Variants in CTTNBP2 observed in about 807,000 individuals in gnomAD.
CTTNBP2 encodes cortactin-binding protein 2.
Under a neutral mutation model 156.9 loss-of-function variants are expected in CTTNBP2, and 108 were observed. The ratio of observed to expected loss-of-function variants is 0.69; its 90% CI spans 0.59 to 0.81. CTTNBP2 has a LOEUF of 0.81. Among genes scored for constraint, CTTNBP2 ranks in the 30% least tolerant of loss-of-function variants. CTTNBP2 has a pLI of 0.00. For missense variants in CTTNBP2, 1,924 were observed against 2,035.4 expected, an observed-to-expected ratio of 0.95 and a Z score of 1.05; for synonymous variants, 767 against 751.8, an observed-to-expected ratio of 1.02 and a Z score of -0.33.
intron 3 of CTTNBP2, among the ~76,000 whole-genome samples, chr7:117,804,405 T>C (rs570969405): frequency 6.9e-4 from 105 of 152,298 alleles, no homozygotes; most frequent in Non-Finnish European, 7.6e-4. Context: ...ACAGACATGG[T>C]ATTTCTACCA....
intron 12 of CTTNBP2, among the ~76,000 whole-genome samples, chr7:117,747,332 A>G (rs973617298): frequency 1.3e-5 from 2 of 152,142 alleles, no homozygotes; most frequent in African/African-American, 4.8e-5. Flanking sequence ...CCTTTATGGT[A>G]GCTGGGATGG....
intron 2 of CTTNBP2, among the ~76,000 whole-genome samples, chr7:117,856,352 A>G (rs1419416215): frequency 1.3e-5 from 2 of 152,228 alleles, no homozygotes; most frequent in Non-Finnish European, 2.9e-5. Context: ...GAGTAGTAAA[A>G]CAAAAATAAC....
intron 12 of CTTNBP2, among the ~76,000 whole-genome samples, chr7:117,747,252 G>A (rs190694112): frequency 1.3e-5 from 2 of 152,288 alleles, no homozygotes; most frequent in East Asian, 1.9e-4. Context: ...ATGTGTGTGT[G>A]TATCTCTGTG....
chr7:117,809,936 G>A lies in CTTNBP2; in HGVS notation c.414+829C>T, dbSNP rs114830335. 7.4e-3 allele frequency among the ~76,000 whole-genome samples: 1,121 copies of A among 152,288 alleles called. 13 individuals are homozygous for A. Among genetic ancestry groups the A allele is most frequent in the African/African-American group, 0.025 (1,054 of 41,568 alleles). On this transcript the variant is annotated intron_variant, in intron 3 of 22. Coordinates refer to ENST00000160373, the MANE Select transcript of CTTNBP2 (RefSeq NM_033427.3). ...TAATTTTAATCAAACCACACAGCAT[G>A]AGCTTCTAGCTTTCTCACTCTCTTT...
At chr7:117,717,193 AAG>A (rs1794451123) in intron 22 of CTTNBP2, among the ~76,000 whole-genome samples, 1 of 152,212 alleles carries the variant, frequency 6.6e-6, no homozygotes, top group African/African-American at 2.4e-5. Flanking sequence ...GTAGTCATGG[AAG>A]CTATTTCAAA....
At chr7:117,728,727 C>T (rs1562956813) in intron 16 of CTTNBP2, among the ~76,000 whole-genome samples, 1 of 152,120 alleles carries the variant, frequency 6.6e-6, no homozygotes, top group African/African-American at 2.4e-5. Flanking sequence ...CCTTTACATA[C>T]TTATTTTTAT....
intron 12 of CTTNBP2, among the ~76,000 whole-genome samples, chr7:117,753,475 C>T (rs545358627): frequency 1.8e-4 from 27 of 152,160 alleles, no homozygotes; most frequent in Middle Eastern, 6.8e-3. Context: ...TGCAAGACTA[C>T]GGATGATAGC....
chr7:117,777,661 C>T lies in CTTNBP2; in HGVS notation c.2628G>A (p.Glu876=). Residue 876 remains glutamate, a synonymous_variant, in exon 8 of 23, where the codon GAG becomes GAA. Coordinates refer to ENST00000160373, the MANE Select transcript of CTTNBP2 (RefSeq NM_033427.3). Reference sequence around the variant, plus strand: ...CAAAGACACTTGACTCGGACTCCTCCTCATTGAAAGAATTTCCATGAGCTG... The same window carrying T: ...CAAAGACACTTGACTCGGACTCCTCTTCATTGAAAGAATTTCCATGAGCTG... The part of the protein sequence containing the change: ...RIPAHGNSFN[E]EESESSVFDL... The T allele has an allele frequency of 3.1e-6, 5 of 1,614,152 alleles. No individual in the cohort carries two copies. Among genetic ancestry groups the T allele is most frequent in the Non-Finnish European group, 4.2e-6 (5 of 1,180,012 alleles).
At chr7:117,716,994 TACTCCCAAGG>T (rs1794425833) in intron 22 of CTTNBP2, among the ~76,000 whole-genome samples, 1 of 152,308 alleles carries the variant, frequency 6.6e-6, no homozygotes, top group East Asian at 1.9e-4. Flanking sequence ...CGTTCTCATC[TACTCCCAAGG>T]TGGCTTACAA....
At chr7:117,843,952 C>T (rs367736428) in intron 2 of CTTNBP2, among the ~76,000 whole-genome samples, 2 of 152,110 alleles carry the variant, frequency 1.3e-5, no homozygotes, top group East Asian at 1.9e-4. Context: ...GAAGACTATC[C>T]CATATGGGCT....
chr7:117,746,180 T>A, intron 12 of CTTNBP2, 81 bp from the exon 13 acceptor site: 1 of 895,288 alleles, frequency 1.1e-6, no homozygotes, highest in Non-Finnish European at 1.8e-6. Context: ...TGTGGAATTC[T>A]TTTTTGATTG....
intron 19 of CTTNBP2, among the ~76,000 whole-genome samples, chr7:117,722,798 C>A (rs1794877426): frequency 6.6e-6 from 1 of 152,174 alleles, no homozygotes; most frequent in Admixed American, 6.5e-5. Flanking sequence ...TAGATCACTG[C>A]ACGTCTAATA....
chr7:117,714,989 CAAAAACTAATTTGTGTAGAA>C (rs1453197792), intron 22 of CTTNBP2, among the ~76,000 whole-genome samples: 6 of 152,172 alleles, frequency 3.9e-5, no homozygotes, highest in Admixed American at 3.9e-4. Flanking sequence ...ATGTTAAACT[CAAAAACTAATTTGTGTAGAA>C]AGGCACTGAC....
At chr7:117,725,978 C>T (rs563184043) in intron 17 of CTTNBP2, among the ~76,000 whole-genome samples, 100 of 152,222 alleles carry the variant, frequency 6.6e-4, no homozygotes, top group African/African-American at 2.3e-3. Flanking sequence ...CATGAGCCAC[C>T]GCACCCAGCC....
chr7:117,817,333 C>CA lies in CTTNBP2; in HGVS notation c.190-6345dup, dbSNP rs1165563266. On this transcript the variant is annotated intron_variant, in intron 2 of 22. Coordinates refer to ENST00000160373, the MANE Select transcript of CTTNBP2 (RefSeq NM_033427.3). ...TGGGTGACAGAGCAAGACTCCATCT[C>CA]AAAAAAAAAAAAAAAAAAAAAAAAA... is the stretch of plus-strand genomic sequence containing the variant. Among the ~76,000 whole-genome samples, 135 of 26,972 alleles carry CA rather than the reference C, an allele frequency of 5.0e-3. 1 individual carries two copies. Among genetic ancestry groups the CA allele is most frequent in the East Asian group, 0.014 (7 of 504 alleles). The allele number at this position is 26,972 out of a possible 152,430, so 17.7% of individuals were successfully genotyped here. A position where few individuals can be genotyped will look rare whatever the true frequency, so the allele number is the denominator to read the frequency against.
At chr7:117,810,259 G>C (rs769555408) in intron 3 of CTTNBP2, among the ~76,000 whole-genome samples, 33 of 152,076 alleles carry the variant, frequency 2.2e-4, no homozygotes, top group Non-Finnish European at 3.4e-4. Flanking sequence ...TGTGAGACTG[G>C]ACATACCACG....
intron 1 of CTTNBP2, among the ~76,000 whole-genome samples, chr7:117,868,017 G>C (rs1804328251): frequency 6.6e-6 from 1 of 152,086 alleles, no homozygotes. Context: ...ATTAAGCTCA[G>C]CTACCTCCCT....
intron 2 of CTTNBP2, among the ~76,000 whole-genome samples, chr7:117,824,945 T>C (rs943789648): frequency 6.6e-6 from 1 of 152,244 alleles, no homozygotes; most frequent in Non-Finnish European, 1.5e-5. Context: ...ATGGGCCTTA[T>C]GTTTTCTTTT....
chr7:117,822,182 T>C (rs895673042), intron 2 of CTTNBP2, among the ~76,000 whole-genome samples: 1 of 152,210 alleles, frequency 6.6e-6, no homozygotes, highest in Non-Finnish European at 1.5e-5. Flanking sequence ...AAAGTATTCA[T>C]AGTATTTACT....
Sources: allele counts gnomAD v4.1 joint callset (sites outside exome capture counted in the v4.1 genomes callset), GRCh38; gene constraint gnomAD v4.1.1; transcripts MANE v1.5; gene names NCBI Gene and HGNC (gene_info 2026-07-23, HGNC 2026-07-21).